Variants in APOC3 observed in about 807,000 individuals in gnomAD.
APOC3 encodes apolipoprotein C-III.
A neutral mutation model predicts 7.3 loss-of-function variants in APOC3; 6 were observed. The ratio of observed to expected loss-of-function variants is 0.82; its 90% CI spans 0.45 to 1.61. The LOEUF is 1.61. APOC3 is among the 40% of genes most tolerant of loss of function. The pLI is 0.01. For synonymous variants in APOC3, 45 were observed against 51.2 expected, an observed-to-expected ratio of 0.88 and a Z score of 0.52; for missense variants, 123 against 124.9, an observed-to-expected ratio of 0.98 and a Z score of 0.07.
At chr11:116,830,267 G>A (rs1244439848) in intron 1 of APOC3, among the ~76,000 whole-genome samples, 1 of 152,170 alleles carries the variant, frequency 6.6e-6, no homozygotes, top group Non-Finnish European at 1.5e-5. Flanking sequence ...CCTGGAGAGG[G>A]CCAGAAATCA....
intron 3 of APOC3, among the ~76,000 whole-genome samples, chr11:116,832,337 C>G (rs1239612828): frequency 6.6e-6 from 1 of 152,202 alleles, no homozygotes; most frequent in Non-Finnish European, 1.5e-5. Flanking sequence ...CCCCAGATCA[C>G]ACAACTAATC....
At chr11:116,831,266 C>CT (rs1941453922) in intron 3 of APOC3, among the ~76,000 whole-genome samples, 1 of 40,524 alleles carries the variant, frequency 2.5e-5, no homozygotes, top group East Asian at 4.2e-4. Context: ...TCCTTTCTTT[C>CT]TTTCCTTTCT....
intron 1 of APOC3, 169 bp from the exon 2 acceptor site, chr11:116,830,401 T>G: frequency 1.4e-6 from 1 of 701,230 alleles, no homozygotes; most frequent in Non-Finnish European, 2.5e-6. Context: ...CCTCGATCCC[T>G]CGCCCCTCAC....
chr11:116,831,844 T>C (rs1017350830), intron 3 of APOC3, among the ~76,000 whole-genome samples: 1 of 152,190 alleles, frequency 6.6e-6, no homozygotes, highest in Non-Finnish European at 1.5e-5. Flanking sequence ...CCTAGATCCC[T>C]GGCATGTGCA....
At chr11:116,832,235 C>T (rs562374246) in intron 3 of APOC3, among the ~76,000 whole-genome samples, 28 of 152,190 alleles carry the variant, frequency 1.8e-4, no homozygotes, top group Non-Finnish European at 1.5e-5. Flanking sequence ...TGTTCATAAA[C>T]ATTCTTAGTC....
At chr11:116,830,977 C>T in intron 3 of APOC3, 81 bp downstream of exon 3, 1 of 1,517,618 alleles carries the variant, frequency 6.6e-7, no homozygotes, top group Non-Finnish European at 8.9e-7. Flanking sequence ...GAGATCCCAA[C>T]AATGGAATGG....
chr11:116,832,159 G>A (rs1329625037), intron 3 of APOC3, among the ~76,000 whole-genome samples: 1 of 152,134 alleles, frequency 6.6e-6, no homozygotes, highest in South Asian at 2.1e-4. Context: ...CTGCCCATCA[G>A]TACTCTCCTC....
At chr11:116,831,727 C>T (rs1044581210) in intron 3 of APOC3, among the ~76,000 whole-genome samples, 1 of 152,148 alleles carries the variant, frequency 6.6e-6, no homozygotes, top group African/African-American at 2.4e-5. Context: ...GCACCAGGGA[C>T]CAGTTTTGTG....
rs1941439349 is a variant in APOC3 at position 116,830,892 on chromosome 11, G to T, written c.175G>T (p.Ala59Ser). 6.2e-7 allele frequency: 1 copy of T among 1,612,416 alleles called. No individual in the cohort carries two copies. Among genetic ancestry groups the T allele is most frequent in the Non-Finnish European group, 8.5e-7 (1 of 1,179,894 alleles). ...GCAGGAGTCCCAGGTGGCCCAGCAG[G>T]CCAGGTACACCCGCTGGCCTCCCTC... ...SVQESQVAQQ[A>S]RGWVTDGFSS... is the part of the protein sequence containing the mutation. Residue 59 changes from alanine to serine, a missense_variant, in exon 3 of 4, where the codon GCC (alanine) becomes TCC (serine). Coordinates refer to ENST00000227667, the MANE Select transcript of APOC3 (RefSeq NM_000040.3).
In APOC3 at chr11:116,830,790, G is replaced by T. The variant is rs1475121895; in HGVS notation, c.73G>T (p.Asp25Tyr). ...TTCCTCAGGAGCTTCAGAGGCCGAG[G>T]ATGCCTCCCTTCTCAGCTTCATGCA... ...LASARASEAE[D>Y]ASLLSFMQGY... Residue 25 changes from aspartate (D) to tyrosine (Y), a missense_variant, in exon 3 of 4, where the codon GAT becomes TAT. Transcript: ENST00000227667. The T allele has an allele frequency of 1.2e-6, 2 of 1,613,304 alleles. No homozygotes were observed. Among genetic ancestry groups the T allele is most frequent in the Non-Finnish European group, 1.7e-6 (2 of 1,179,944 alleles).
intron 1 of APOC3, 130 bp downstream of exon 1, chr11:116,830,070 G>A (rs1220847598): frequency 1.1e-5 from 2 of 190,334 alleles, no homozygotes; most frequent in South Asian, 1.3e-4. Flanking sequence ...GGAGCTGGAC[G>A]GGTGCCCCCC....
intron 3 of APOC3, chr11:116,831,228 T>TCTTTCTTTC (rs1565336463): frequency 5.1e-6 from 1 of 196,194 alleles, no homozygotes. Context: ...TTTCTTTCTT[T>TCTTTCTTTC]CTTTCTTTCT....
rs1565336346 is a variant in APOC3 at position 116,831,187 on chromosome 11, C to CTCTT, written c.179+292_179+293insCTTT. The CTCTT allele has an allele frequency of 6.3e-5, 12 of 191,092 alleles. 1 individual carries two copies. Among genetic ancestry groups the CTCTT allele is most frequent in the African/African-American group, 1.4e-4 (4 of 29,556 alleles). The allele number at this position is 191,092 out of a possible 1,614,324, so 11.8% of individuals were successfully genotyped here. ...CTTTCCTTTCCCTTTCTTTCTCTTT[C>CTCTT]TATTTCTTTCTTTCTTTCTTTCTTT... is the stretch of plus-strand genomic sequence containing the variant. On this transcript the variant is annotated intron_variant, in intron 3 of 3. Coordinates refer to ENST00000227667, the MANE Select transcript of APOC3 (RefSeq NM_000040.3).
Position 116,830,651 on chromosome 11 carries a change from G to T in APOC3, c.55+14G>T. 2 of 1,613,854 alleles carry T rather than the reference G, an allele frequency of 1.2e-6. No homozygotes were observed. The highest frequency in any genetic ancestry group is 3.3e-5 in the Admixed American group (2 of 60,024). ...TGGCCTCTGCCCGTAAGCACTTGGT[G>T]GGACTGGGCTGGGGGCAGGGTGGAG... is the stretch of plus-strand genomic sequence containing the variant. On this transcript the variant is annotated intron_variant, in intron 2 of 3. Transcript: ENST00000227667.
chr11:116,832,786 A>C lies in APOC3; in HGVS notation c.202A>C (p.Ser68Arg). 6.2e-7 allele frequency: 1 copy of C among 1,614,102 alleles called. No homozygotes were observed. The highest frequency in any genetic ancestry group is 8.5e-7 in the Non-Finnish European group (1 of 1,180,020). Residue 68 changes from serine (S) to arginine (R), a missense_variant, in exon 4 of 4, where the codon AGT (serine) becomes CGT (arginine). Transcript: ENST00000227667. The part of the protein sequence containing the change: ...QARGWVTDGF[S>R]SLKDYWSTVK... ...TAGGGGCTGGGTGACCGATGGCTTC[A>C]GTTCCCTGAAAGACTACTGGAGCAC...
intron 3 of APOC3, among the ~76,000 whole-genome samples, chr11:116,831,310 T>TCTTC: frequency 8.9e-6 from 1 of 112,264 alleles, no homozygotes; most frequent in Admixed American, 7.9e-5. Flanking sequence ...CCTTTCTTTC[T>TCTTC]CTTTCTTTCT....
At chr11:116,830,957 C>G in intron 3 of APOC3, 61 bp downstream of exon 3, 1 of 1,582,246 alleles carries the variant, frequency 6.3e-7, no homozygotes, top group South Asian at 1.1e-5. Context: ...CCACCCGCCC[C>G]TGCCCTGGTG....
At chr11:116,830,328 C>A (rs1941431701) in intron 1 of APOC3, among the ~76,000 whole-genome samples, 1 of 152,106 alleles carries the variant, frequency 6.6e-6, no homozygotes. Context: ...CAGTCCAGAC[C>A]GCAGGTGCCT....
rs770499173 is a variant in APOC3, at chr11:116,832,838, G to A, written c.254G>A (p.Trp85Ter). The A allele has an allele frequency of 6.2e-7, 1 of 1,614,074 alleles. No homozygotes were observed. The highest frequency in any genetic ancestry group is 1.1e-5 in the South Asian group (1 of 91,078). Residue 85 changes from tryptophan (W) to a stop codon, truncating the protein, a stop_gained, in exon 4 of 4, where the codon TGG becomes TAG. Transcript: ENST00000227667. LOFTEE classifies it low-confidence loss of function (END_TRUNC). Reference sequence around the variant, plus strand: ...GTTAAGGACAAGTTCTCTGAGTTCTGGGATTTGGACCCTGAGGTCAGACCA... The same window carrying A: ...GTTAAGGACAAGTTCTCTGAGTTCTAGGATTTGGACCCTGAGGTCAGACCA... ...STVKDKFSEF[W>*]DLDPEVRPTS... is the part of the protein sequence containing the mutation.
Sources: gnomAD v4.1 joint callset for allele counts (sites outside exome capture counted in the v4.1 genomes callset) on GRCh38, gnomAD v4.1.1 for gene constraint, MANE v1.5 for transcripts, NCBI Gene and HGNC (gene_info 2026-07-23, HGNC 2026-07-21) for gene names.